RLN2: variants seen among roughly 807,000 people sequenced by gnomAD.
RLN2 encodes the protein relaxin 2.
A neutral mutation model predicts 7.3 loss-of-function variants in RLN2; 10 were observed. The ratio of observed to expected loss-of-function variants is 1.36; its 90% CI spans 0.84 to 2.31. The LOEUF (loss-of-function observed/expected upper bound fraction) is 2.31. Among genes scored for constraint, RLN2 ranks in the 30% most tolerant of loss-of-function variants. The pLI is 0.00. For synonymous variants in RLN2, 103 were observed against 82.3 expected (o/e 1.25, Z -1.36); for missense variants, 298 against 217.6 (o/e 1.37, Z -2.32).
At chr9:5,313,543 TTTTTA>T in the RLN2 span, among the ~76,000 whole-genome samples, 49 of 152,168 alleles carry the variant, frequency 3.2e-4, no homozygotes, top group Middle Eastern at 3.4e-3. Flanking sequence ...TCTTAAAAAC[TTTTTA>T]TTTTATTTAA....
the RLN2 span, among the ~76,000 whole-genome samples, chr9:5,328,188 T>G: frequency 6.6e-6 from 1 of 151,974 alleles, no homozygotes; most frequent in Non-Finnish European, 1.5e-5. Context: ...AATGGCTAAC[T>G]AGAATAAACA....
upstream of RLN2, among the ~76,000 whole-genome samples, chr9:5,306,127 T>A (rs899626367): frequency 6.8e-6 from 1 of 146,622 alleles, no homozygotes; most frequent in Non-Finnish European, 1.5e-5. Flanking sequence ...TTTTTTTTTT[T>A]AACAGAATTT....
At chr9:5,304,752 G>C (rs572416746), upstream of RLN2, 2 of 654,312 alleles carry the variant, frequency 3.1e-6, no homozygotes, top group South Asian at 3.9e-5. Context: ...TTAAGGCAAG[G>C]GTGCCAGCTC....
the RLN2 span, chr9:5,339,308 A>G: frequency 9.6e-6 from 4 of 418,438 alleles, no homozygotes; most frequent in Non-Finnish European, 1.6e-5. Context: ...TCCTGTTCTC[A>G]GTGCTTTCCC....
the RLN2 span, chr9:5,334,964 T>C: frequency 3.6e-6 from 1 of 274,998 alleles, no homozygotes; most frequent in Non-Finnish European, 6.7e-6. Flanking sequence ...TTATTATGTA[T>C]GGTTAAAGTG....
At chr9:5,321,780 A>C in the RLN2 span, among the ~76,000 whole-genome samples, 4 of 152,012 alleles carry the variant, frequency 2.6e-5, no homozygotes, top group Admixed American at 6.6e-5. Context: ...CACTGCAAGC[A>C]GCTGTCCCAG....
At chr9:5,323,982 G>A in the RLN2 span, among the ~76,000 whole-genome samples, 1 of 151,894 alleles carries the variant, frequency 6.6e-6, no homozygotes, top group African/African-American at 2.4e-5. Flanking sequence ...CAAAGGCAGA[G>A]GTTGCAGTGA....
At chr9:5,329,606 A>C in the RLN2 span, among the ~76,000 whole-genome samples, 1 of 150,194 alleles carries the variant, frequency 6.7e-6, no homozygotes, top group African/African-American at 2.4e-5. Context: ...CAGGAGTTGC[A>C]ATCCTAGTCT....
the RLN2 span, among the ~76,000 whole-genome samples, chr9:5,329,623 A>T: frequency 6.6e-6 from 1 of 151,932 alleles, no homozygotes; most frequent in Non-Finnish European, 1.5e-5. Flanking sequence ...GTCTCTGATA[A>T]AACAGACTTT....
chr9:5,323,910 T>G, the RLN2 span, among the ~76,000 whole-genome samples: 2 of 151,742 alleles, frequency 1.3e-5, no homozygotes, highest in Non-Finnish European at 2.9e-5. Flanking sequence ...TAGCCAGGTG[T>G]GTTGATATGT....
At chr9:5,311,682 C>T in the RLN2 span, 6 of 1,285,872 alleles carry the variant, frequency 4.7e-6, no homozygotes, top group Non-Finnish European at 6.7e-6. Flanking sequence ...ACAGACCAGG[C>T]ACAGAAAGCC....
chr9:5,321,476 G>A, the RLN2 span, among the ~76,000 whole-genome samples: 2 of 151,936 alleles, frequency 1.3e-5, 1 homozygote, highest in Non-Finnish European at 2.9e-5. Flanking sequence ...GATACTGTCT[G>A]TCATTTTTAC....
chr9:5,301,641 G>C (rs1401265420), intron 1 of RLN2, among the ~76,000 whole-genome samples: 1 of 152,188 alleles, frequency 6.6e-6, no homozygotes, highest in Non-Finnish European at 1.5e-5. Context: ...AAAGAGAAGA[G>C]GGGAGTAAAT....
At chr9:5,322,497 G>T in the RLN2 span, among the ~76,000 whole-genome samples, 16 of 152,064 alleles carry the variant, frequency 1.1e-4, no homozygotes, top group African/African-American at 3.9e-4. Flanking sequence ...CCTGTAGGAA[G>T]GAAAACAGAG....
At position 5,300,328 on chromosome 9, in the gene RLN2, G is replaced by C. The variant is rs919409899; in HGVS notation, c.328C>G (p.Pro110Ala). ...LTLSEMQPAL[P>A]QLQQHVPVLK... ...ACAGGTACATGTTGTTGTAGCTGTG[G>C]TAATGCTGGCTGCATCTCAGACAGG... Residue 110 changes from proline (P) to alanine (A), a missense_variant, in exon 2 of 2, where the codon CCA becomes GCA. Transcript: ENST00000381627. The C allele has an allele frequency of 6.2e-7, 1 of 1,613,576 alleles. No individual in the cohort carries two copies. Among genetic ancestry groups the C allele is most frequent in the Non-Finnish European group, 8.5e-7 (1 of 1,179,648 alleles).
rs1586922438 is a variant in RLN2 at position 5,299,957 on chromosome 9, A to G, written c.*141T>C. 3 of 500,232 alleles carry G rather than the reference A, an allele frequency of 6.0e-6. No homozygotes were observed. In the East Asian group the frequency reaches 9.3e-5, roughly 16 times the overall value. The allele number at this position is 500,232 out of a possible 1,614,324, so 31.0% of individuals were successfully genotyped here. On this transcript the variant is annotated 3_prime_UTR_variant, in exon 2 of 2. Transcript: ENST00000381627. ...TAAACATCAACAAAGATGTTTAGAT[A>G]TTCTAAGAATTGATGGGACCTAATA...
At chr9:5,311,681 G>A in the RLN2 span, 1 of 1,290,626 alleles carries the variant, frequency 7.7e-7, no homozygotes. Context: ...AACAGACCAG[G>A]CACAGAAAGC....
chr9:5,310,671 T>C, the RLN2 span, among the ~76,000 whole-genome samples: 1 of 152,054 alleles, frequency 6.6e-6, no homozygotes, highest in East Asian at 1.9e-4. Context: ...ATTTGCAATA[T>C]ACATTTACAA....
At chr9:5,302,213 A>G (rs188457699) in intron 1 of RLN2, among the ~76,000 whole-genome samples, 13 of 152,336 alleles carry the variant, frequency 8.5e-5, no homozygotes, top group Admixed American at 2.6e-4. Flanking sequence ...CATAATCCAT[A>G]ACACCTTTAG....
Sources: gnomAD v4.1 joint callset for allele counts (sites outside exome capture counted in the v4.1 genomes callset) on GRCh38, gnomAD v4.1.1 for gene constraint, MANE v1.5 for transcripts, NCBI Gene and HGNC (gene_info 2026-07-23, HGNC 2026-07-21) for gene names.